The following MIER1 variants were observed in gnomAD, a reference collection of about 807,000 sequenced individuals.
MIER1 encodes mesoderm induction early response protein 1.
In MIER1, 40 loss-of-function variants were observed where a neutral mutation model predicts 75.7. The ratio of observed to expected loss-of-function variants is 0.53; its 90% confidence interval spans 0.41 to 0.69. MIER1 has a LOEUF of 0.69. MIER1 is among the 30% of genes least tolerant of loss of function. The pLI is 0.00. For synonymous variants in MIER1, 213 were observed against 223.4 expected, an observed-to-expected ratio of 0.95 and a Z score of 0.42; for missense variants, 574 against 680.2, an observed-to-expected ratio of 0.84 and a Z score of 1.74.
At chr1:66,925,223 T>C (rs995919274) in intron 1 of MIER1, 128 bp downstream of exon 1, 1 of 1,369,054 alleles carries the variant, frequency 7.3e-7, no homozygotes, top group Non-Finnish European at 9.4e-7. Context: ...CGGAAGACCC[T>C]TAACTTCCGG....
At chr1:66,934,658 G>C (rs760378266) in intron 2 of MIER1, among the ~76,000 whole-genome samples, 2 of 147,244 alleles carry the variant, frequency 1.4e-5, no homozygotes, top group Non-Finnish European at 3.0e-5. Flanking sequence ...CTCCTGTCTT[G>C]TGCTGGGATT....
chr1:66,961,494 G>A (rs775210880), intron 7 of MIER1, among the ~76,000 whole-genome samples: 2 of 152,076 alleles, frequency 1.3e-5, no homozygotes, highest in East Asian at 1.9e-4. Flanking sequence ...CTGTACTACC[G>A]AACAAATTAA....
chr1:66,936,359 A>T (rs1415655747), intron 2 of MIER1, among the ~76,000 whole-genome samples: 3 of 151,720 alleles, frequency 2.0e-5, no homozygotes, highest in Non-Finnish European at 2.9e-5. Flanking sequence ...AGCTGGGATT[A>T]CAGGCGCCCG....
intron 1 of MIER1, among the ~76,000 whole-genome samples, chr1:66,925,783 A>C (rs1651567676): frequency 6.6e-6 from 1 of 152,124 alleles, no homozygotes; most frequent in South Asian, 2.1e-4. Context: ...TCTGGGCTTC[A>C]GTTTTCCCTA....
chr1:66,944,493 T>A (rs909782086), intron 3 of MIER1, among the ~76,000 whole-genome samples: 1 of 151,556 alleles, frequency 6.6e-6, no homozygotes, highest in African/African-American at 2.4e-5. Context: ...AGACTATGTA[T>A]GCCCAGCCTT....
chr1:66,962,140 A>G (rs1373242033), intron 7 of MIER1, among the ~76,000 whole-genome samples: 2 of 152,212 alleles, frequency 1.3e-5, no homozygotes, highest in African/African-American at 4.8e-5. Context: ...GTCTCCTTGC[A>G]TTGTGAAATT....
At chr1:66,925,407 T>C in intron 1 of MIER1, 1 of 985,450 alleles carries the variant, frequency 1.0e-6, no homozygotes, top group Non-Finnish European at 1.2e-6. Context: ...CCCGTTCGCT[T>C]CGGTCCCTGA....
In MIER1 at chr1:66,988,585, A is replaced by C. The variant is rs1421580848; in HGVS notation, c.*3685A>C. ...CTTTAGTTAGTATAAAGAATTATAG[A>C]ATGTATAATGTAATTAAAATGTCAT... is the stretch of plus-strand genomic sequence containing the variant. On this transcript the variant is annotated 3_prime_UTR_variant, in exon 14 of 14. Transcript: ENST00000401041. 6.6e-6 allele frequency: 1 copy of C among 152,126 alleles called. No homozygotes were observed. Among genetic ancestry groups the C allele is most frequent in the Non-Finnish European group, 1.5e-5 (1 of 67,868 alleles). 9.4% of individuals were successfully genotyped at this position (152,126 alleles called of 1,614,324 possible). A position where few individuals can be genotyped will look rare whatever the true frequency, so the allele number is the denominator to read the frequency against.
intron 5 of MIER1, 106 bp downstream of exon 5, chr1:66,958,326 A>G: frequency 1.3e-6 from 1 of 772,034 alleles, no homozygotes; most frequent in Admixed American, 3.0e-5. Context: ...TCCTGATTTT[A>G]AAAGTGTTAA....
At chr1:66,942,892 C>T (rs1656580335) in intron 3 of MIER1, among the ~76,000 whole-genome samples, 2 of 152,152 alleles carry the variant, frequency 1.3e-5, no homozygotes, top group African/African-American at 4.8e-5. Flanking sequence ...AAATGGACTT[C>T]AGGTGAGTTA....
intron 13 of MIER1, 29 bp from the exon 14 acceptor site, chr1:66,984,543 T>G: frequency 6.7e-7 from 1 of 1,494,970 alleles, no homozygotes. Flanking sequence ...TTTCTAATTG[T>G]GGTTTCATTT....
At chr1:66,971,880 C>T (rs1374265078) in intron 10 of MIER1, 144 bp downstream of exon 10, 1 of 487,036 alleles carries the variant, frequency 2.1e-6, no homozygotes, top group Non-Finnish European at 3.6e-6. Context: ...TATTACTAAA[C>T]AAATCGTTAC....
At chr1:66,974,600 T>C (rs1024436846) in intron 11 of MIER1, among the ~76,000 whole-genome samples, 7 of 152,264 alleles carry the variant, frequency 4.6e-5, no homozygotes, top group East Asian at 1.9e-4. Flanking sequence ...TAAGAAATTA[T>C]AGGTGACTTG....
At chr1:66,975,219 CTG>C (rs758484547) in intron 11 of MIER1, among the ~76,000 whole-genome samples, 1 of 152,128 alleles carries the variant, frequency 6.6e-6, no homozygotes, top group Non-Finnish European at 1.5e-5. Flanking sequence ...CATACAGACA[CTG>C]GATTTCCTTT....
chr1:66,947,823 C>T (rs1658028073), intron 4 of MIER1: 1 of 562,596 alleles, frequency 1.8e-6, no homozygotes. Context: ...GTTATAGCCA[C>T]ACTAGCTGCT....
chr1:66,951,934 G>A (rs1332969332), intron 4 of MIER1, among the ~76,000 whole-genome samples: 1 of 152,160 alleles, frequency 6.6e-6, no homozygotes, highest in Admixed American at 6.5e-5. Flanking sequence ...GCCTGGGTTC[G>A]TAATCCAGTT....
rs1666730494 is a variant in MIER1 at position 66,985,965 on chromosome 1, G to C, written c.*1065G>C. 1 of 985,140 alleles carries C rather than the reference G, an allele frequency of 1.0e-6. No individual in the cohort carries two copies. Among genetic ancestry groups the C allele is most frequent in the African/African-American group, 1.8e-5 (1 of 57,134 alleles). The allele number at this position is 985,140 out of a possible 1,614,324, so 61.0% of individuals were successfully genotyped here. ...GAAGCAAGACAAAAGTTTAATGTCA[G>C]CTTAAGTGCTTAAATATATCATGCT... On this transcript the variant is annotated 3_prime_UTR_variant, in exon 14 of 14. Coordinates refer to ENST00000401041, the MANE Select transcript of MIER1 (RefSeq NM_001077700.3).
At chr1:66,946,783 T>A in intron 4 of MIER1, 1 of 985,344 alleles carries the variant, frequency 1.0e-6, no homozygotes. Context: ...TTACATCCAT[T>A]TTTATATTCA....
chr1:66,986,339 C>G lies in MIER1; in HGVS notation c.*1439C>G. Reference sequence around the variant, plus strand: ...TGTTAAATAATGTAGTTTTATATAGCTGATAGACCAACCTATATCCAAACT... The same window carrying G: ...TGTTAAATAATGTAGTTTTATATAGGTGATAGACCAACCTATATCCAAACT... On this transcript the variant is annotated 3_prime_UTR_variant, in exon 14 of 14. Coordinates refer to ENST00000401041, the MANE Select transcript of MIER1 (RefSeq NM_001077700.3). 1.3e-6 allele frequency: 2 copies of G among 1,574,614 alleles called. No homozygotes were observed. The highest frequency in any genetic ancestry group is 1.7e-6 in the Non-Finnish European group (2 of 1,165,268).
Sources: gnomAD v4.1 joint callset for allele counts (sites outside exome capture counted in the v4.1 genomes callset) on GRCh38, gnomAD v4.1.1 for gene constraint, MANE v1.5 for transcripts, NCBI Gene and HGNC (gene_info 2026-07-23, HGNC 2026-07-21) for gene names.